COL13A1: variants seen among roughly 807,000 people sequenced by gnomAD.
COL13A1 encodes the protein collagen alpha-1(XIII) chain.
A neutral mutation model predicts 130.9 loss-of-function variants in COL13A1; 89 were observed. That is an observed-to-expected ratio of 0.68 (90% CI 0.57 to 0.81). The LOEUF is 0.81. Among genes scored for constraint, COL13A1 ranks in the 30% least tolerant of loss-of-function variants. The pLI is 0.00. For missense variants in COL13A1, 879 were observed against 934.6 expected (o/e 0.94, Z 0.78); for synonymous variants, 402 against 341.6 (o/e 1.18, Z -1.95).
In COL13A1 at chr10:69,923,858, A is replaced by T. The variant is rs753618115; in HGVS notation, c.1284+3A>T. 6.2e-7 allele frequency: 1 copy of T among 1,611,706 alleles called. No homozygotes were observed. On this transcript the variant is annotated splice_donor_region_variant and intron_variant, in intron 24 of 40. Coordinates refer to ENST00000645393, the MANE Select transcript of COL13A1 (RefSeq NM_001368882.1). Reference sequence around the variant, plus strand: ...CCCCAGGGCAGCCAGGAGACAAGGTACAGAGACCCCCACATCCCAGAGCTG... The same window carrying T: ...CCCCAGGGCAGCCAGGAGACAAGGTTCAGAGACCCCCACATCCCAGAGCTG...
At chr10:69,865,988 T>C (rs1011744684) in intron 2 of COL13A1, among the ~76,000 whole-genome samples, 1 of 152,210 alleles carries the variant, frequency 6.6e-6, no homozygotes, top group African/African-American at 2.4e-5. Context: ...ACCTATTGCA[T>C]AATGGAAAAC....
At chr10:69,804,809 C>CAAAGAAAAAAA (rs1841047843) in intron 1 of COL13A1, among the ~76,000 whole-genome samples, 1 of 75,380 alleles carries the variant, frequency 1.3e-5, no homozygotes, top group Non-Finnish European at 2.4e-5. Flanking sequence ...ATGTCGTGTG[C>CAAAGAAAAAAA]AAAAAAAAAA....
At chr10:69,805,782 G>A (rs1388139888) in intron 1 of COL13A1, among the ~76,000 whole-genome samples, 2 of 152,192 alleles carry the variant, frequency 1.3e-5, no homozygotes, top group Non-Finnish European at 2.9e-5. Flanking sequence ...CTGAGCAAAG[G>A]GCAGAGGAGA....
At chr10:69,918,947 G>A (rs1178872463) in intron 19 of COL13A1, 115 bp from the exon 20 acceptor site, 2 of 1,221,700 alleles carry the variant, frequency 1.6e-6, no homozygotes, top group Non-Finnish European at 2.4e-6. Context: ...GGGCTGGCCA[G>A]ATGTTTCACT....
At chr10:69,928,854 C>A in intron 27 of COL13A1, 83 bp from the exon 28 acceptor site, 2 of 988,628 alleles carry the variant, frequency 2.0e-6, no homozygotes, top group South Asian at 1.5e-5. Flanking sequence ...CTGTACAAGC[C>A]AGCCTCCACA....
intron 2 of COL13A1, among the ~76,000 whole-genome samples, chr10:69,840,174 C>G (rs1851218785): frequency 6.6e-6 from 1 of 152,162 alleles, no homozygotes; most frequent in Non-Finnish European, 1.5e-5. Context: ...GGCTTCTTGA[C>G]TTGAGCTGTT....
rs1480167795 is a variant in COL13A1, at chr10:69,802,423, G to A, written c.-1G>A. 6.7e-7 allele frequency: 1 copy of A among 1,492,304 alleles called. No individual in the cohort carries two copies. The allele number at this position is 1,492,304 out of a possible 1,614,324, so 92.4% of individuals were successfully genotyped here. On this transcript the variant is annotated 5_prime_UTR_variant, in exon 1 of 41. Coordinates refer to ENST00000645393, the MANE Select transcript of COL13A1 (RefSeq NM_001368882.1). ...TTTATTGGTTCTCAAGACGCGAGAG[G>A]ATGGTAGCGGAGCGCACCCACAAAG...
intron 3 of COL13A1, among the ~76,000 whole-genome samples, chr10:69,869,435 A>T (rs1025035145): frequency 6.6e-6 from 1 of 152,186 alleles, no homozygotes; most frequent in Non-Finnish European, 1.5e-5. Context: ...CCTGCAAAAG[A>T]AGAATGCTGG....
chr10:69,892,574 C>T (rs1257188688), intron 10 of COL13A1, among the ~76,000 whole-genome samples: 1 of 152,202 alleles, frequency 6.6e-6, no homozygotes, highest in Non-Finnish European at 1.5e-5. Context: ...TGAGGAGCGC[C>T]AGGCACTCAG....
chr10:69,936,509 G>A (rs2066938565), intron 32 of COL13A1, among the ~76,000 whole-genome samples: 1 of 152,138 alleles, frequency 6.6e-6, no homozygotes, highest in African/African-American at 2.4e-5. Flanking sequence ...ATGAGACTCT[G>A]GGTCAACCAT....
At chr10:69,810,241 T>C (rs1220710001) in intron 1 of COL13A1, among the ~76,000 whole-genome samples, 1 of 152,098 alleles carries the variant, frequency 6.6e-6, no homozygotes, top group East Asian at 1.9e-4. Context: ...AGGCCAATTG[T>C]TCCCAATACC....
intron 1 of COL13A1, among the ~76,000 whole-genome samples, chr10:69,810,073 C>A (rs531865214): frequency 6.6e-6 from 1 of 152,252 alleles, no homozygotes; most frequent in East Asian, 1.9e-4. Flanking sequence ...CTGAATGCTC[C>A]CTTTTAGAGC....
In COL13A1 at chr10:69,865,458, G is replaced by A. The variant is rs998930899; in HGVS notation, c.365-2340G>A. On this transcript the variant is annotated intron_variant, in intron 2 of 40. Transcript: ENST00000645393. ...TGATGAAAATTGGCAGGGGCAGGAC[G>A]GGAGTTGGGTTTTCCAAGGCACCTG... Among the ~76,000 whole-genome samples the A allele has an allele frequency of 3.3e-5, 5 of 152,200 alleles. No individual in the cohort carries two copies. The South Asian group carries it at 6.2e-4, about 19-fold the overall frequency.
rs573668102 is a variant in COL13A1 at position 69,858,115 on chromosome 10, C to CAAAAAAAAAAAAAA, written c.365-9676_365-9663dup. 6.3e-3 allele frequency among the ~76,000 whole-genome samples: 503 copies of CAAAAAAAAAAAAAA among 80,336 alleles called. 33 individuals carry two copies. Among genetic ancestry groups the CAAAAAAAAAAAAAA allele is most frequent in the Non-Finnish European group, 8.3e-3 (371 of 44,490 alleles). 52.7% of individuals were successfully genotyped at this position (80,336 alleles called of 152,430 possible). ...TGGGTGACAGAGCGAGACTCCGTCT[C>CAAAAAAAAAAAAAA]AAAAAAAAAAAAAAAAAAAAGATTG... On this transcript the variant is annotated intron_variant, in intron 2 of 40. Transcript: ENST00000645393.
At chr10:69,944,207 CGG>C (rs1309270047) in intron 36 of COL13A1, 29 bp downstream of exon 36, 17 of 1,606,890 alleles carry the variant, frequency 1.1e-5, no homozygotes, top group Non-Finnish European at 1.3e-5. Context: ...GGGGCCTGGG[CGG>C]CCAGGAGGGA....
chr10:69,822,292 C>T (rs574460672), intron 1 of COL13A1, 77 bp from the exon 2 acceptor site: 59 of 1,171,994 alleles, frequency 5.0e-5, no homozygotes, highest in African/African-American at 3.2e-4. Context: ...CTGCCCTCCT[C>T]GTCAGCCCAC....
chr10:69,958,854 C>A lies in COL13A1; in HGVS notation c.*153C>A. ...CCTGCATATTTTGTACAGAAAATAT[C>A]AACCTCTTCCCTTTTGTTTACAAGA... On this transcript the variant is annotated 3_prime_UTR_variant, in exon 41 of 41. Transcript: ENST00000645393. 2 of 1,007,148 alleles carry A rather than the reference C, an allele frequency of 2.0e-6. No individual in the cohort carries two copies. The highest frequency in any genetic ancestry group is 1.4e-6 in the Non-Finnish European group (1 of 702,810). The allele number at this position is 1,007,148 out of a possible 1,614,324, so 62.4% of individuals were successfully genotyped here.
intron 5 of COL13A1, among the ~76,000 whole-genome samples, chr10:69,876,662 G>A (rs186759987): frequency 9.8e-5 from 15 of 152,332 alleles, no homozygotes; most frequent in East Asian, 3.9e-4. Context: ...GCAGGGAAAC[G>A]TGATTCAACC....
At chr10:69,921,501 C>T (rs892082109) in intron 21 of COL13A1, among the ~76,000 whole-genome samples, 20 of 152,162 alleles carry the variant, frequency 1.3e-4, no homozygotes, top group African/African-American at 4.6e-4. Context: ...ACAGAGTGGT[C>T]AAAAGGAATT....
Sources: gnomAD v4.1 joint callset for allele counts (sites outside exome capture counted in the v4.1 genomes callset) on GRCh38, gnomAD v4.1.1 for gene constraint, MANE v1.5 for transcripts, NCBI Gene and HGNC (gene_info 2026-07-23, HGNC 2026-07-21) for gene names.